The following ZNF236 variants were observed in gnomAD, a reference collection of about 807,000 sequenced individuals.
The protein encoded by ZNF236 is zinc finger protein 236.
ZNF236 carries 50 observed loss-of-function variants against 191.2 expected under a neutral mutation model. The observed-to-expected ratio is 0.26, with a 90% CI of 0.21 to 0.33. The LOEUF is 0.33. Ranked by LOEUF, ZNF236 falls within the 10% of genes least tolerant of loss-of-function variation. ZNF236 has a pLI of 1.00. For synonymous variants in ZNF236, 907 were observed against 928.8 expected, an observed-to-expected ratio of 0.98 and a Z score of 0.43; for missense variants, 1,754 against 2,374.5, an observed-to-expected ratio of 0.74 and a Z score of 5.43.
chr18:76,926,312 T>C (rs560299957), intron 22 of ZNF236, among the ~76,000 whole-genome samples: 1 of 152,144 alleles, frequency 6.6e-6, no homozygotes, highest in South Asian at 2.1e-4. Context: ...AGACAGTGTA[T>C]GTGTATATGG....
intron 17 of ZNF236, among the ~76,000 whole-genome samples, chr18:76,912,582 TTGTC>T (rs1402355421): frequency 5.9e-5 from 9 of 152,246 alleles, no homozygotes; most frequent in Non-Finnish European, 1.3e-4. Context: ...AGTCTTCAGT[TTGTC>T]TGTTTGAAGT....
chr18:76,971,731 C>T lies in ZNF236; in HGVS notation c.*3392C>T, dbSNP rs1968910510. On this transcript the variant is annotated 3_prime_UTR_variant, in exon 31 of 31. Coordinates refer to ENST00000320610, the MANE Select transcript of ZNF236 (RefSeq NM_001306089.2). ...GATACACATTTTAACATGAAATGAC[C>T]ATCACACAGATTTATGTTTGGAAAT... Among the ~76,000 whole-genome samples the T allele has an allele frequency of 6.6e-6, 1 of 152,082 alleles. No individual in the cohort carries two copies. The highest frequency in any genetic ancestry group is 1.5e-5 in the Non-Finnish European group (1 of 68,030).
At chr18:76,830,820 G>A (rs1975150949) in intron 1 of ZNF236, among the ~76,000 whole-genome samples, 2 of 152,080 alleles carry the variant, frequency 1.3e-5, no homozygotes, top group South Asian at 2.1e-4. Flanking sequence ...TTTATTTTGA[G>A]TTCTATACTA....
chr18:76,849,415 CAT>C, intron 1 of ZNF236, 109 bp from the exon 2 acceptor site: 1 of 840,070 alleles, frequency 1.2e-6, no homozygotes, highest in Non-Finnish European at 1.7e-6. Context: ...TAAAATGTCA[CAT>C]AAATCTCTGA....
intron 20 of ZNF236, among the ~76,000 whole-genome samples, chr18:76,922,445 G>A (rs950578402): frequency 6.6e-6 from 1 of 152,090 alleles, no homozygotes; most frequent in East Asian, 1.9e-4. Flanking sequence ...GTTTTTGGCT[G>A]TTTGTATTTC....
At chr18:76,864,694 G>A (rs1976353637) in intron 3 of ZNF236, among the ~76,000 whole-genome samples, 2 of 150,022 alleles carry the variant, frequency 1.3e-5, no homozygotes, top group African/African-American at 4.9e-5. Flanking sequence ...CAGTGTACAT[G>A]GAGGAAATAC....
chr18:76,968,409 T>G lies in ZNF236; in HGVS notation c.*70T>G. ...TTTGTGAAGAGCAAAGCACTTGGAA[T>G]CTCCGTTTTAAAGCTTCAAGTGTTA... On this transcript the variant is annotated 3_prime_UTR_variant, in exon 31 of 31. Coordinates refer to ENST00000320610, the MANE Select transcript of ZNF236 (RefSeq NM_001306089.2). The G allele has an allele frequency of 6.4e-7, 1 of 1,554,036 alleles. No individual in the cohort carries two copies. The highest frequency in any genetic ancestry group is 2.3e-5 in the Admixed American group (1 of 43,156).
At position 76,852,457 on chromosome 18, in the gene ZNF236, G is replaced by A. The variant is rs190333377; in HGVS notation, c.363+518G>A. Among the ~76,000 whole-genome samples, 7 of 152,268 alleles carry A rather than the reference G, an allele frequency of 4.6e-5. No homozygotes were observed. In the East Asian group the frequency reaches 1.2e-3, roughly 25 times the overall value. ...AGCTTTGAGGATGACAGGCCACAGTGCTGGGTTGGGGGCTGAATCTAAGGT... is the reference window on the plus strand; with the variant it reads ...AGCTTTGAGGATGACAGGCCACAGTACTGGGTTGGGGGCTGAATCTAAGGT... On this transcript the variant is annotated intron_variant, in intron 3 of 30. Coordinates refer to ENST00000320610, the MANE Select transcript of ZNF236 (RefSeq NM_001306089.2).
At chr18:76,864,206 T>TC (rs1377089496) in intron 3 of ZNF236, among the ~76,000 whole-genome samples, 1 of 151,550 alleles carries the variant, frequency 6.6e-6, no homozygotes, top group African/African-American at 2.4e-5. Context: ...CTTTTTTTTT[T>TC]TTTTTTTTTT....
At position 76,871,565 on chromosome 18, in the gene ZNF236, C is replaced by A. The variant is rs1976585042; in HGVS notation, c.543-136C>A. The stretch of plus-strand genomic sequence containing the variant: ...TAACACATATACACACAGACACATA[C>A]ATATATGTGATTGATTTATCATTAA... On this transcript the variant is annotated intron_variant, in intron 4 of 30. Transcript: ENST00000320610. 23 of 870,948 alleles carry A rather than the reference C, an allele frequency of 2.6e-5. No individual in the cohort carries two copies. In the South Asian group the frequency reaches 3.7e-4, roughly 14 times the overall value. 54.0% of individuals were successfully genotyped at this position (870,948 alleles called of 1,614,324 possible).
At position 76,970,329 on chromosome 18, in the gene ZNF236, A is replaced by G. The variant is rs1968887947; in HGVS notation, c.*1990A>G. 6.6e-6 allele frequency: 1 copy of G among 152,620 alleles called. No homozygotes were observed. Among genetic ancestry groups the G allele is most frequent in the Non-Finnish European group, 1.5e-5 (1 of 68,034 alleles). The allele number at this position is 152,620 out of a possible 1,614,324, so 9.5% of individuals were successfully genotyped here. On this transcript the variant is annotated 3_prime_UTR_variant, in exon 31 of 31. Coordinates refer to ENST00000320610, the MANE Select transcript of ZNF236 (RefSeq NM_001306089.2). ...TTTGGTGAATTGTATTGGTTAATTG[A>G]CTGTTTAAGGCCTTAACAGGTGAAT...
At chr18:76,877,044 CTCAAGTTCGGAAGGGGCCAATGGGTTT>C (rs1976736931) in intron 6 of ZNF236, among the ~76,000 whole-genome samples, 1 of 152,298 alleles carries the variant, frequency 6.6e-6, no homozygotes, top group African/African-American at 2.4e-5. Context: ...GGAAGTCTTA[CTCAAGTTCGGAAGGGGCCAATGGGTTT>C]TCAAGCTAGC....
At chr18:76,832,979 T>C (rs1451707928) in intron 1 of ZNF236, among the ~76,000 whole-genome samples, 2 of 152,244 alleles carry the variant, frequency 1.3e-5, no homozygotes, top group African/African-American at 4.8e-5. Context: ...TTCCTGAAAC[T>C]ATTGTTGATG....
intron 3 of ZNF236, among the ~76,000 whole-genome samples, chr18:76,863,428 A>T (rs1976300241): frequency 6.6e-6 from 1 of 152,194 alleles, no homozygotes; most frequent in Admixed American, 6.5e-5. Context: ...CTAAGAAAAA[A>T]ATCTTGTGAG....
chr18:76,860,646 C>T (rs1327584373), intron 3 of ZNF236, among the ~76,000 whole-genome samples: 1 of 152,156 alleles, frequency 6.6e-6, no homozygotes, highest in Admixed American at 6.5e-5. Context: ...GAACTTTGTG[C>T]AGCCTACTCT....
intron 28 of ZNF236, among the ~76,000 whole-genome samples, chr18:76,958,064 C>T (rs1205000139): frequency 6.6e-6 from 1 of 152,186 alleles, no homozygotes. Flanking sequence ...AGCTGACGGC[C>T]ATGTTGGGGG....
intron 3 of ZNF236, among the ~76,000 whole-genome samples, chr18:76,861,765 T>C (rs1976235957): frequency 6.6e-6 from 1 of 152,164 alleles, no homozygotes; most frequent in Non-Finnish European, 1.5e-5. Flanking sequence ...TTGTTAGAGA[T>C]AACCAGCCAA....
Position 76,880,036 on chromosome 18 carries a change from G to GTTT in ZNF236, c.985-66_985-64dup, listed in dbSNP as rs5826483. 1,828 of 1,005,016 alleles carry GTTT rather than the reference G, an allele frequency of 1.8e-3. No individual in the cohort carries two copies. The highest frequency in any genetic ancestry group is 2.1e-3 in the Non-Finnish European group (1,491 of 707,330). 62.3% of individuals were successfully genotyped at this position (1,005,016 alleles called of 1,614,324 possible). A position where few individuals can be genotyped will look rare whatever the true frequency, so the allele number is the denominator to read the frequency against. ...AACACCCTTAAGGAGGGTATTGCCTGTTTTTTTTTTTTTAATTTTCCTTTT... is the reference window on the plus strand; with the variant it reads ...AACACCCTTAAGGAGGGTATTGCCTGTTTTTTTTTTTTTTTTAATTTTCCTTTT... On this transcript the variant is annotated intron_variant, in intron 7 of 30. Transcript: ENST00000320610. This position sits in a 1 kb window ranked among gnomAD's most constrained non-coding sequence, Gnocchi z 5.0.
At chr18:76,836,800 A>C (rs961259851) in intron 1 of ZNF236, among the ~76,000 whole-genome samples, 3 of 151,784 alleles carry the variant, frequency 2.0e-5, no homozygotes, top group Non-Finnish European at 4.4e-5. Context: ...GATAGTCTCG[A>C]TCTCCTGACC....
Sources: gnomAD v4.1 joint callset for allele counts (sites outside exome capture counted in the v4.1 genomes callset) on GRCh38, gnomAD v4.1.1 for gene constraint, Gnocchi (gnomAD v3.1) non-coding constraint, MANE v1.5 for transcripts, NCBI Gene and HGNC (gene_info 2026-07-23, HGNC 2026-07-21) for gene names.